The following FBXL3 variants were observed in gnomAD, a reference collection of about 807,000 sequenced individuals.
The protein encoded by FBXL3 is F-box and leucine rich repeat protein 3.
In FBXL3, 14 loss-of-function variants were observed where a neutral mutation model predicts 37.9. The ratio of observed to expected loss-of-function variants is 0.37; its 90% CI spans 0.24 to 0.58. FBXL3 has a LOEUF of 0.58. Among genes scored for constraint, FBXL3 ranks in the 20% least tolerant of loss-of-function variants. The pLI is 0.74. For missense variants in FBXL3, 327 were observed against 511.1 expected (o/e 0.64, Z 3.47); for synonymous variants, 194 against 180.1 (o/e 1.08, Z -0.62).
chr13:77,009,141 TAAC>T (rs1444630769), intron 4 of FBXL3: 6 of 152,274 alleles, frequency 3.9e-5, no homozygotes, highest in Middle Eastern at 3.4e-3. Context: ...TCCATGCACT[TAAC>T]TACTGCTTCA....
chr13:77,026,182 G>T, intron 1 of FBXL3: 1 of 985,366 alleles, frequency 1.0e-6, no homozygotes. Flanking sequence ...TCTCAGCTTG[G>T]AGATACAGAC....
intron 1 of FBXL3, chr13:77,026,383 C>T: frequency 7.1e-6 from 7 of 985,278 alleles, no homozygotes; most frequent in Non-Finnish European, 8.4e-6. Context: ...ATGCGCCCCA[C>T]CCTGGGCAGT....
Position 77,007,026 on chromosome 13 carries a change from G to A in FBXL3, c.*119C>T. Reference sequence around the variant, plus strand: ...CCGATAAACAATCTTTACATATACTGACTGAAGATATCAAATTTCTGTGCC... The same window carrying A: ...CCGATAAACAATCTTTACATATACTAACTGAAGATATCAAATTTCTGTGCC... On this transcript the variant is annotated 3_prime_UTR_variant, in exon 5 of 5. Transcript: ENST00000355619. 2.1e-6 allele frequency: 3 copies of A among 1,447,696 alleles called. No homozygotes were observed. The highest frequency in any genetic ancestry group is 2.7e-6 in the Non-Finnish European group (3 of 1,107,186). The allele number at this position is 1,447,696 out of a possible 1,614,324, so 89.7% of individuals were successfully genotyped here. A position where few individuals can be genotyped will look rare whatever the true frequency, so the allele number is the denominator to read the frequency against.
intron 1 of FBXL3, among the ~76,000 whole-genome samples, chr13:77,023,921 G>C (rs1256757521): frequency 6.6e-6 from 1 of 152,240 alleles, no homozygotes; most frequent in Non-Finnish European, 1.5e-5. Context: ...TTAATGCCAT[G>C]AAAGTCAGTC....
rs148463592 is a variant in FBXL3, at chr13:77,012,421, A to AT, written c.643+2987dup. ...AATACAAGCAAACTGCTATAAGCCA[A>AT]TTTTTTTTTTAATCACAGCAAAAAA... is the stretch of plus-strand genomic sequence containing the variant. On this transcript the variant is annotated intron_variant, in intron 4 of 4. Transcript: ENST00000355619. Among the ~76,000 whole-genome samples, 22 of 150,396 alleles carry AT rather than the reference A, an allele frequency of 1.5e-4. 1 individual carries two copies. Among genetic ancestry groups the AT allele is most frequent in the South Asian group, 1.3e-3 (6 of 4,764 alleles).
At chr13:77,010,199 C>T (rs1389076591) in intron 4 of FBXL3, 1 of 151,944 alleles carries the variant, frequency 6.6e-6, no homozygotes, top group African/African-American at 2.4e-5. Flanking sequence ...ACGTGTATAT[C>T]TATGTAACAA....
At chr13:77,024,329 TA>T (rs1436828801) in intron 1 of FBXL3, among the ~76,000 whole-genome samples, 4 of 152,196 alleles carry the variant, frequency 2.6e-5, no homozygotes, top group African/African-American at 9.6e-5. Context: ...CCAGAGCTTA[TA>T]ATTTCTCTTC....
intron 4 of FBXL3, among the ~76,000 whole-genome samples, chr13:77,011,979 A>T (rs1245934201): frequency 1.3e-5 from 2 of 152,218 alleles, no homozygotes; most frequent in Non-Finnish European, 2.9e-5. Flanking sequence ...ATTTGTACAT[A>T]AATGTGCACA....
At position 77,007,619 on chromosome 13, in the gene FBXL3, A is replaced by C; in HGVS notation, c.813T>G (p.Thr271=). 6.2e-7 allele frequency: 1 copy of C among 1,614,212 alleles called. No individual in the cohort carries two copies. The highest frequency in any genetic ancestry group is 1.1e-5 in the South Asian group (1 of 91,084). ...AAGCATCCCAGCTACTCTTCTGAAT[A>C]GTATGGAAGTGTGTCTGTCCAGGAT... ...SENPGQTHFH[T]IQKSSWDAFI... Residue 271 remains threonine, a synonymous_variant, in exon 5 of 5, where the codon ACT becomes ACG. Transcript: ENST00000355619.
intron 2 of FBXL3, among the ~76,000 whole-genome samples, chr13:77,020,513 A>C (rs1177581185): frequency 6.6e-6 from 1 of 152,200 alleles, no homozygotes; most frequent in Admixed American, 6.5e-5. Flanking sequence ...TTATGGCCAG[A>C]AGCTCTGGGT....
intron 4 of FBXL3, chr13:77,014,672 A>G (rs1380668768): frequency 6.6e-6 from 1 of 152,380 alleles, no homozygotes; most frequent in South Asian, 2.1e-4. Flanking sequence ...ATTTGTCACT[A>G]TACCTTAAAG....
chr13:77,011,130 A>T (rs1164470793), intron 4 of FBXL3, among the ~76,000 whole-genome samples: 2 of 152,152 alleles, frequency 1.3e-5, no homozygotes, highest in East Asian at 3.9e-4. Flanking sequence ...GCCTGAGGTC[A>T]GAAGTTCGCG....
chr13:77,026,086 T>C (rs1047015994), intron 1 of FBXL3: 1 of 740,270 alleles, frequency 1.4e-6, no homozygotes, highest in Non-Finnish European at 1.7e-6. Flanking sequence ...TTTTTCAAGT[T>C]AGAAAAGGAG....
intron 1 of FBXL3, among the ~76,000 whole-genome samples, chr13:77,023,343 AGAGTGTGTGT>A: frequency 7.2e-6 from 1 of 139,806 alleles, no homozygotes; most frequent in African/African-American, 2.8e-5. Context: ...GGAGAGAGAG[AGAGTGTGTGT>A]GTGTGTGTGT....
Position 77,005,834 on chromosome 13 carries a change from G to C in FBXL3, c.*1311C>G, listed in dbSNP as rs1293009664. The stretch of plus-strand genomic sequence containing the variant: ...ATTTCTGATTTCCCTCAGGAGGGTA[G>C]TAATATCTACTAGCACTAGTGCCCA... On this transcript the variant is annotated 3_prime_UTR_variant, in exon 5 of 5. Transcript: ENST00000355619. 1.3e-5 allele frequency: 2 copies of C among 152,134 alleles called. No individual in the cohort carries two copies. The highest frequency in any genetic ancestry group is 4.8e-5 in the African/African-American group (2 of 41,426). 9.4% of individuals were successfully genotyped at this position (152,134 alleles called of 1,614,324 possible). A position where few individuals can be genotyped will look rare whatever the true frequency, so the allele number is the denominator to read the frequency against.
chr13:77,018,902 ATCCACCC>A (rs1488092008), intron 2 of FBXL3, 180 bp from the exon 3 acceptor site: 8 of 499,082 alleles, frequency 1.6e-5, no homozygotes, highest in Admixed American at 4.3e-5. Flanking sequence ...TCTTTCAATC[ATCCACCC>A]TCCACCCTCA....
intron 4 of FBXL3, chr13:77,009,584 T>C (rs1194660061): frequency 1.3e-5 from 2 of 152,188 alleles, no homozygotes; most frequent in Non-Finnish European, 2.9e-5. Context: ...AGAATGGCAA[T>C]CATTAAAAAG....
At chr13:77,007,811 T>C (rs2034478500) in intron 4 of FBXL3, 23 bp from the exon 5 acceptor site, 1 of 1,523,408 alleles carries the variant, frequency 6.6e-7, no homozygotes, top group South Asian at 1.3e-5. Flanking sequence ...AAAAAATTAT[T>C]TGCAAGTTTT....
In FBXL3 at chr13:77,026,219, T is replaced by C. The variant is rs578143461; in HGVS notation, c.-2+608A>G. 1.3e-5 allele frequency: 13 copies of C among 985,052 alleles called. No individual in the cohort carries two copies. The South Asian group carries it at 1.4e-4, about 11-fold the overall frequency. 61.0% of individuals were successfully genotyped at this position (985,052 alleles called of 1,614,324 possible). A position where few individuals can be genotyped will look rare whatever the true frequency, so the allele number is the denominator to read the frequency against. The stretch of plus-strand genomic sequence containing the variant: ...ATTTACTGGGCTGCTTCCTGACCCC[T>C]GTCTGCAACCCCACCTAAAGGACTG... On this transcript the variant is annotated intron_variant, in intron 1 of 4. Transcript: ENST00000355619.
Sources: allele counts gnomAD v4.1 joint callset (sites outside exome capture counted in the v4.1 genomes callset), GRCh38; gene constraint gnomAD v4.1.1; transcripts MANE v1.5; gene names NCBI Gene and HGNC (gene_info 2026-07-23, HGNC 2026-07-21).